The following TMEM74 variants were observed in gnomAD, a reference collection of about 807,000 sequenced individuals.
TMEM74 encodes the protein transmembrane protein 74.
A neutral mutation model predicts 18.1 loss-of-function variants in TMEM74; 13 were observed. That is an observed-to-expected ratio of 0.72 (90% CI 0.47 to 1.14). TMEM74 has a LOEUF of 1.14. Ranked by LOEUF, TMEM74 falls within the 50% of genes most tolerant of loss-of-function variation. TMEM74 has a pLI of 0.00. For missense variants in TMEM74, 372 were observed against 375.9 expected, an observed-to-expected ratio of 0.99 and a Z score of 0.09; for synonymous variants, 159 against 146.6, an observed-to-expected ratio of 1.08 and a Z score of -0.61.
chr8:108,780,511 G>T lies in TMEM74; in HGVS notation c.*3670C>A, dbSNP rs1223177426. On this transcript the variant is annotated 3_prime_UTR_variant, in exon 2 of 2. Coordinates refer to ENST00000297459, the MANE Select transcript of TMEM74 (RefSeq NM_153015.3). ...TCAAGATTAAGTCACCCCTTATACT[G>T]GGGGGACTGAGGTAAAGGCACACAT... is the stretch of plus-strand genomic sequence containing the variant. 1.3e-5 allele frequency among the ~76,000 whole-genome samples: 2 copies of T among 152,124 alleles called. No individual in the cohort carries two copies. The highest frequency in any genetic ancestry group is 2.9e-5 in the Non-Finnish European group (2 of 68,014).
chr8:108,699,006 T>G (rs538360785), intron 1 of TMEM74, among the ~76,000 whole-genome samples: 21 of 152,142 alleles, frequency 1.4e-4, no homozygotes, highest in Non-Finnish European at 2.6e-4. Context: ...GCAAGAATAA[T>G]TCCCGGATGA....
intron 1 of TMEM74, among the ~76,000 whole-genome samples, chr8:108,756,636 A>C: frequency 1.2e-5 from 1 of 86,220 alleles, no homozygotes; most frequent in East Asian, 3.7e-4. Flanking sequence ...GGAAGGAAGG[A>C]AGGAAGAAAG....
At chr8:108,759,983 G>T (rs967478345) in intron 1 of TMEM74, among the ~76,000 whole-genome samples, 1 of 152,034 alleles carries the variant, frequency 6.6e-6, no homozygotes, top group Admixed American at 6.6e-5. Context: ...GACCAGCCTG[G>T]CCAACATGGT....
In TMEM74 at chr8:108,621,803, T is replaced by G. The variant is rs148369259; in HGVS notation, n.265-12977A>C. 1.1e-3 allele frequency among the ~76,000 whole-genome samples: 165 copies of G among 152,252 alleles called. 1 individual carries two copies. Among genetic ancestry groups the G allele is most frequent in the African/African-American group, 3.7e-3 (153 of 41,578 alleles). On this transcript the variant is annotated intron_variant and non_coding_transcript_variant, in intron 2 of 3. Transcript: ENST00000518838. ...TGCTTGTCACCCCATCTGTGTAAAA[T>G]GAGGATGGTAATAATAAAACCTACC... is the stretch of plus-strand genomic sequence containing the variant.
At chr8:108,775,691 A>G (rs1814225985), downstream of TMEM74, among the ~76,000 whole-genome samples, 1 of 152,176 alleles carries the variant, frequency 6.6e-6, no homozygotes, top group African/African-American at 2.4e-5. Flanking sequence ...TATCACTCAA[A>G]GTCTCTTTCA....
intron 1 of TMEM74, among the ~76,000 whole-genome samples, chr8:108,753,578 A>G (rs1813925749): frequency 6.6e-6 from 1 of 151,994 alleles, no homozygotes; most frequent in African/African-American, 2.4e-5. Context: ...TCATTTGTTG[A>G]GTTTCATACT....
chr8:108,693,735 A>G (rs1176575694), intron 1 of TMEM74, among the ~76,000 whole-genome samples: 1 of 152,246 alleles, frequency 6.6e-6, no homozygotes, highest in Admixed American at 6.5e-5. Flanking sequence ...GCTGAATGCT[A>G]ATTGATTTTA....
intron 2 of TMEM74, among the ~76,000 whole-genome samples, chr8:108,632,957 C>A: frequency 6.6e-6 from 1 of 151,908 alleles, no homozygotes. Context: ...ACACCGTGGG[C>A]TCAGAGTTTA....
chr8:108,636,930 C>G (rs553011854), intron 2 of TMEM74, among the ~76,000 whole-genome samples: 3 of 152,040 alleles, frequency 2.0e-5, no homozygotes, highest in African/African-American at 7.2e-5. Context: ...TATGTGTTGA[C>G]CATGATCGGT....
At position 108,718,148 on chromosome 8, in the gene TMEM74, C is replaced by CG. The variant is rs1813547533; in HGVS notation, n.120-62712dup. ...TAATTTTTTGTATTTTTAGTAGAGA[C>CG]GGGGTTTCACCATTTTAGCCGGGAT... On this transcript the variant is annotated intron_variant and non_coding_transcript_variant, in intron 1 of 3. Transcript: ENST00000518838. 5.7e-5 allele frequency among the ~76,000 whole-genome samples: 5 copies of CG among 87,730 alleles called. 1 individual carries two copies. Among genetic ancestry groups the CG allele is most frequent in the Middle Eastern group, 9.9e-3 (2 of 202 alleles). 57.6% of individuals were successfully genotyped at this position (87,730 alleles called of 152,430 possible). A position where few individuals can be genotyped will look rare whatever the true frequency, so the allele number is the denominator to read the frequency against.
At chr8:108,724,281 T>C (rs1168795225) in intron 1 of TMEM74, among the ~76,000 whole-genome samples, 1 of 152,196 alleles carries the variant, frequency 6.6e-6, no homozygotes, top group African/African-American at 2.4e-5. Flanking sequence ...CAGTTACTGG[T>C]TTATAGGCTT....
chr8:108,639,734 C>A (rs982242454), intron 2 of TMEM74, among the ~76,000 whole-genome samples: 2 of 152,016 alleles, frequency 1.3e-5, no homozygotes, highest in Non-Finnish European at 2.9e-5. Flanking sequence ...TAAAAATGCA[C>A]CCACAGTACT....
intron 1 of TMEM74, among the ~76,000 whole-genome samples, chr8:108,661,889 T>C (rs940968436): frequency 2.6e-5 from 4 of 152,136 alleles, no homozygotes; most frequent in African/African-American, 9.7e-5. Flanking sequence ...AGAAATTCTC[T>C]ATTCCTTATA....
intron 1 of TMEM74, among the ~76,000 whole-genome samples, chr8:108,731,942 T>G (rs1813699683): frequency 6.6e-6 from 1 of 152,132 alleles, no homozygotes; most frequent in Non-Finnish European, 1.5e-5. Context: ...TTTTTTCTCC[T>G]AAGTCAACTT....
chr8:108,759,203 T>C (rs538266162), intron 1 of TMEM74, among the ~76,000 whole-genome samples: 58 of 152,206 alleles, frequency 3.8e-4, no homozygotes, highest in African/African-American at 1.3e-3. Context: ...TAATCTGTAC[T>C]GCCTTGTTTA....
intron 1 of TMEM74, among the ~76,000 whole-genome samples, chr8:108,665,677 T>G (rs541787909): frequency 6.5e-4 from 99 of 152,142 alleles, no homozygotes; most frequent in Non-Finnish European, 1.1e-3. Context: ...TGTCTAAGTG[T>G]GCAGACTGGA....
At chr8:108,650,766 A>G (rs946331088) in intron 2 of TMEM74, among the ~76,000 whole-genome samples, 1 of 151,928 alleles carries the variant, frequency 6.6e-6, no homozygotes, top group African/African-American at 2.4e-5. Flanking sequence ...GCTGGAGTGC[A>G]ATGGCATGAT....
intron 1 of TMEM74, among the ~76,000 whole-genome samples, chr8:108,762,986 A>C (rs537553810): frequency 1.9e-4 from 29 of 152,326 alleles, no homozygotes; most frequent in Middle Eastern, 3.4e-3. Flanking sequence ...AGAATTTAGC[A>C]ATCAATAAAA....
At chr8:108,643,166 G>A (rs980364031) in intron 2 of TMEM74, among the ~76,000 whole-genome samples, 2 of 152,144 alleles carry the variant, frequency 1.3e-5, no homozygotes, top group Non-Finnish European at 2.9e-5. Context: ...TAACCCAGTG[G>A]TCTTCAAACT....
Sources: allele counts gnomAD v4.1 joint callset (sites outside exome capture counted in the v4.1 genomes callset), GRCh38; gene constraint gnomAD v4.1.1; transcripts MANE v1.5; gene names NCBI Gene and HGNC (gene_info 2026-07-23, HGNC 2026-07-21).